Variants in PTPN21 observed in about 807,000 individuals in gnomAD.
PTPN21 encodes protein tyrosine phosphatase non-receptor type 21.
In PTPN21, 77 loss-of-function variants were observed where a neutral mutation model predicts 131.8. The observed-to-expected ratio is 0.58, with a 90% confidence interval of 0.49 to 0.71. The LOEUF (loss-of-function observed/expected upper bound fraction) is 0.71. Ranked by LOEUF, PTPN21 falls within the 30% of genes least tolerant of loss-of-function variation. The pLI, the probability that PTPN21 is intolerant of heterozygous loss-of-function variation, is 0.00. For synonymous variants in PTPN21, 715 were observed against 621.3 expected (o/e 1.15, Z -2.24); for missense variants, 1,552 against 1,527.1 (o/e 1.02, Z -0.27).
intron 2 of PTPN21, among the ~76,000 whole-genome samples, chr14:88,536,090 T>C (rs1469605412): frequency 2.0e-5 from 3 of 152,216 alleles, no homozygotes; most frequent in Non-Finnish European, 2.9e-5. Context: ...TCAAAGCAAA[T>C]TGACTTGACC....
At chr14:88,527,295 TCAC>T (rs2078493948) in intron 2 of PTPN21, among the ~76,000 whole-genome samples, 4 of 152,344 alleles carry the variant, frequency 2.6e-5, no homozygotes, top group East Asian at 1.9e-4. Flanking sequence ...TGTTCCCTTC[TCAC>T]CACATTTACA....
intron 13 of PTPN21, among the ~76,000 whole-genome samples, chr14:88,477,669 G>T (rs558776800): frequency 6.6e-6 from 1 of 152,058 alleles, no homozygotes; most frequent in East Asian, 1.9e-4. Flanking sequence ...AGCAGCGATG[G>T]GGGGAGGAGA....
At position 88,528,953 on chromosome 14, in the gene PTPN21, C is replaced by T. The variant is rs931245172; in HGVS notation, c.181-11692G>A. Among the ~76,000 whole-genome samples the T allele has an allele frequency of 5.3e-5, 8 of 152,044 alleles. No individual in the cohort carries two copies. The East Asian group carries it at 9.6e-4, about 18-fold the overall frequency. ...AGAGACGGTTTGACTTCCTCTTTAC[C>T]GATTTGGATGCCCTTTCTTTCTCTT... On this transcript the variant is annotated intron_variant, in intron 2 of 18. Transcript: ENST00000556564.
In PTPN21 at chr14:88,478,971, C is replaced by T; in HGVS notation, c.2460G>A (p.Ser820=). 6.4e-7 allele frequency: 1 copy of T among 1,551,924 alleles called. No homozygotes were observed. Among genetic ancestry groups the T allele is most frequent in the Non-Finnish European group, 8.7e-7 (1 of 1,149,812 alleles). The change falls in exon 13 of 19, where the codon TCG becomes TCA. Residue 820 remains serine (S), a synonymous_variant. Coordinates refer to ENST00000556564, the MANE Select transcript of PTPN21 (RefSeq NM_007039.4). ...TGTTCTTCTTCCCAGAGAGAAGGTC[C>T]GACACCGGCCTTTTCTTCAGAGAGT... ...RRDSLKKRPV[S]DLLSGKKNIV...
In PTPN21 at chr14:88,466,566, C is replaced by T. The variant is rs746964720; in HGVS notation, c.*1571G>A. 2.0e-5 allele frequency: 3 copies of T among 152,092 alleles called. No homozygotes were observed. Among genetic ancestry groups the T allele is most frequent in the African/African-American group, 2.4e-5 (1 of 41,410 alleles). The allele number at this position is 152,092 out of a possible 1,614,324, so 9.4% of individuals were successfully genotyped here. On this transcript the variant is annotated 3_prime_UTR_variant, in exon 19 of 19. Coordinates refer to ENST00000556564, the MANE Select transcript of PTPN21 (RefSeq NM_007039.4). Reference sequence around the variant, plus strand: ...TTGGAAGTTCACTGTAAGAAGAGACCCCAAAAAGAAGGAAAAGGGAAAGGG... The same window carrying T: ...TTGGAAGTTCACTGTAAGAAGAGACTCCAAAAAGAAGGAAAAGGGAAAGGG...
Position 88,514,534 on chromosome 14 carries a change from G to A in PTPN21, c.350+2558C>T, listed in dbSNP as rs374724977. On this transcript the variant is annotated intron_variant, in intron 3 of 18. Coordinates refer to ENST00000556564, the MANE Select transcript of PTPN21 (RefSeq NM_007039.4). ...GGCTGGAGTGCAGCGGTGCCATCTC[G>A]GCTCGCTGCAACCTCCGCCTCCCGA... Among the ~76,000 whole-genome samples, 12 of 150,250 alleles carry A rather than the reference G, an allele frequency of 8.0e-5. No homozygotes were observed. In the South Asian group the frequency reaches 1.3e-3, roughly 16 times the overall value.
In PTPN21 at chr14:88,479,737, G is replaced by T. The variant is rs1191776484; in HGVS notation, c.1694C>A (p.Pro565Gln). ...PNIMRTQVYR[P>Q]PPPYPPPRPA... ...CCTGGGGGGCGGGTAGGGTGGGGGT[G>T]GCCGGTACACCTGCGTCCGCATGAT... The change falls in exon 13 of 19, where the codon CCA becomes CAA. Residue 565 changes from proline (P) to glutamine (Q), a missense_variant. Coordinates refer to ENST00000556564, the MANE Select transcript of PTPN21 (RefSeq NM_007039.4). 2.5e-5 allele frequency: 39 copies of T among 1,531,524 alleles called. No individual in the cohort carries two copies. The highest frequency in any genetic ancestry group is 3.2e-5 in the Non-Finnish European group (37 of 1,147,620). 94.9% of individuals were successfully genotyped at this position (1,531,524 alleles called of 1,614,324 possible).
intron 10 of PTPN21, among the ~76,000 whole-genome samples, chr14:88,491,555 C>A (rs941986514): frequency 5.9e-5 from 9 of 152,178 alleles, no homozygotes; most frequent in African/African-American, 2.2e-4. Context: ...TGGAACATGA[C>A]TAAACAGTCT....
chr14:88,469,101 A>G lies in PTPN21; in HGVS notation c.3236-25T>C, dbSNP rs2077412883. 3 of 1,598,294 alleles carry G rather than the reference A, an allele frequency of 1.9e-6. No homozygotes were observed. Among genetic ancestry groups the G allele is most frequent in the African/African-American group, 1.3e-5 (1 of 74,640 alleles). The stretch of plus-strand genomic sequence containing the variant: ...GCTGTGGAAAATCAATGAAATAGAA[A>G]AGTACTCAAGGATCAAGGCGTATCA... On this transcript the variant is annotated intron_variant, in intron 17 of 18. Coordinates refer to ENST00000556564, the MANE Select transcript of PTPN21 (RefSeq NM_007039.4). The surrounding 1 kb of genome is among the most constrained non-coding windows in gnomAD (Gnocchi z 4.3).
rs2274737 is a variant in PTPN21, at chr14:88,469,307, A to G, written c.3235+192T>C. On this transcript the variant is annotated intron_variant, in intron 17 of 18. Transcript: ENST00000556564. This position sits in a 1 kb window ranked among gnomAD's most constrained non-coding sequence, Gnocchi z 4.3. ...ACGGAGATACTGAGTCAGCTGTGGCATTCTACTCACTACCAAATCATAATT... is the reference window on the plus strand; with the variant it reads ...ACGGAGATACTGAGTCAGCTGTGGCGTTCTACTCACTACCAAATCATAATT... Among the ~76,000 whole-genome samples the G allele has an allele frequency of 0.24, 35,867 of 152,086 alleles. 4,383 individuals are homozygous for G. The highest frequency in any genetic ancestry group is 0.31 in the East Asian group (1,613 of 5,160).
Position 88,485,801 on chromosome 14 carries a change from G to A in PTPN21, c.974C>T (p.Ser325Phe). 6.2e-7 allele frequency: 1 copy of A among 1,608,480 alleles called. No homozygotes were observed. Among genetic ancestry groups the A allele is most frequent in the Non-Finnish European group, 8.5e-7 (1 of 1,175,444 alleles). ...TCTTACCAGAGACATCCTTGAAGAAGACCTCCTCCTGATTGGGTTCACTGT... is the reference window on the plus strand; with the variant it reads ...TCTTACCAGAGACATCCTTGAAGAAAACCTCCTCCTGATTGGGTTCACTGT... The part of the protein sequence containing the change: ...TVTVNPIRRR[S>F]SSRMSLPKPQ... The change falls in exon 11 of 19, where the codon TCT becomes TTT. Residue 325 changes from serine (S) to phenylalanine (F), a missense_variant. By Grantham distance (155) the Ser-to-Phe change is radical (BLOSUM62 -2). Coordinates refer to ENST00000556564, the MANE Select transcript of PTPN21 (RefSeq NM_007039.4).
At chr14:88,533,123 C>T (rs1473336120) in intron 2 of PTPN21, among the ~76,000 whole-genome samples, 2 of 152,130 alleles carry the variant, frequency 1.3e-5, no homozygotes, top group Non-Finnish European at 2.9e-5. Flanking sequence ...TAAAGCTTTA[C>T]AGTACTCTAG....
intron 4 of PTPN21, among the ~76,000 whole-genome samples, chr14:88,505,628 T>C (rs969646637): frequency 6.6e-5 from 10 of 152,216 alleles, no homozygotes; most frequent in Non-Finnish European, 8.8e-5. Flanking sequence ...TGATCTCATT[T>C]TACAGTTAAA....
rs776563867 is a variant in PTPN21 at position 88,479,265 on chromosome 14, C to CTCCTCCTCGAAGTCCTCG, written c.2148_2165dup (p.Asp716_Glu721dup). The CTCCTCCTCGAAGTCCTCG allele has an allele frequency of 2.5e-6, 4 of 1,612,616 alleles. No individual in the cohort carries two copies. The Admixed American group carries it at 6.7e-5, about 27-fold the overall frequency. On this transcript the variant is annotated inframe_insertion, in exon 13 of 19. Coordinates refer to ENST00000556564, the MANE Select transcript of PTPN21 (RefSeq NM_007039.4). Reference sequence around the variant, plus strand: ...GTGCAGGAGGCGCCCGGGCCCCGCTCTCCTCCTCGAAGTCCTCGTCCTCCT... The same window carrying CTCCTCCTCGAAGTCCTCG: ...GTGCAGGAGGCGCCCGGGCCCCGCTCTCCTCCTCGAAGTCCTCGTCCTCCTCGAAGTCCTCGTCCTCCT...
rs2077355769 is a variant in PTPN21 at position 88,465,912 on chromosome 14, C to T, written c.*2225G>A. The T allele has an allele frequency of 1.3e-5, 2 of 151,578 alleles. No individual in the cohort carries two copies. The highest frequency in any genetic ancestry group is 1.5e-5 in the Non-Finnish European group (1 of 68,016). 9.4% of individuals were successfully genotyped at this position (151,578 alleles called of 1,614,324 possible). On this transcript the variant is annotated 3_prime_UTR_variant, in exon 19 of 19. Coordinates refer to ENST00000556564, the MANE Select transcript of PTPN21 (RefSeq NM_007039.4). ...AGTAATATTAAACAGTAATTTTGCC[C>T]TCAGAAGTTTACTTATCAAATTATT...
At chr14:88,477,668 G>C (rs1335089608) in intron 13 of PTPN21, among the ~76,000 whole-genome samples, 1 of 152,008 alleles carries the variant, frequency 6.6e-6, no homozygotes, top group Non-Finnish European at 1.5e-5. Flanking sequence ...TAGCAGCGAT[G>C]GGGGGAGGAG....
chr14:88,514,881 T>C (rs1435464756), intron 3 of PTPN21: 2 of 152,178 alleles, frequency 1.3e-5, no homozygotes, highest in South Asian at 2.1e-4. Flanking sequence ...TAGACACATA[T>C]ATATATCCAT....
At position 88,469,589 on chromosome 14, in the gene PTPN21, G is replaced by C. The variant is rs2077424283; in HGVS notation, c.3145C>G (p.Leu1049Val). The change falls in exon 17 of 19, where the codon CTC (leucine) becomes GTC (valine). Residue 1049 changes from leucine to valine, a missense_variant. Around this residue, in one of 4 missense-constraint regions of PTPN21, gnomAD observed 316 missense variants for 378.5 expected, o/e 0.83. Transcript: ENST00000556564. The surrounding 1 kb of genome is among the most constrained non-coding windows in gnomAD (Gnocchi z 4.3). ...ACGGTCCTCTCTTGCCCAGTAAGGAGGTGCTTCATCTTCAGGCCTGTGGTG... is the reference window on the plus strand; with the variant it reads ...ACGGTCCTCTCTTGCCCAGTAAGGACGTGCTTCATCTTCAGGCCTGTGGTG... The part of the protein sequence containing the change: ...YATTGLKMKH[L>V]LTGQERTVWH... 1.2e-6 allele frequency: 2 copies of C among 1,614,162 alleles called. No individual in the cohort carries two copies. The highest frequency in any genetic ancestry group is 2.2e-5 in the East Asian group (1 of 44,876).
chr14:88,553,702 G>A (rs1321474500), intron 1 of PTPN21, among the ~76,000 whole-genome samples: 5 of 151,490 alleles, frequency 3.3e-5, no homozygotes, highest in African/African-American at 1.2e-4. Flanking sequence ...ACAAAAGGCA[G>A]TCTGAACTAT....
Sources: gnomAD v4.1 joint callset for allele counts (sites outside exome capture counted in the v4.1 genomes callset) on GRCh38, gnomAD v4.1.1 for gene constraint, gnomAD v4.1.1 regional missense constraint, Gnocchi (gnomAD v3.1) non-coding constraint, MANE v1.5 for transcripts, NCBI Gene and HGNC (gene_info 2026-07-23, HGNC 2026-07-21) for gene names.